FNTB: variants seen among roughly 807,000 people sequenced by gnomAD.
The protein encoded by FNTB is protein farnesyltransferase subunit beta.
FNTB carries 27 observed loss-of-function variants against 59.4 expected under a neutral mutation model. That is an observed-to-expected ratio of 0.45 (90% CI 0.34 to 0.63). The LOEUF (loss-of-function observed/expected upper bound fraction) is 0.63. Among genes scored for constraint, FNTB ranks in the 20% least tolerant of loss-of-function variants. The pLI, the probability that FNTB is intolerant of heterozygous loss-of-function variation, is 0.02. For missense variants in FNTB, 449 were observed against 559.6 expected (o/e 0.80, Z 1.99); for synonymous variants, 230 against 220.7 (o/e 1.04, Z -0.37).
intron 11 of FNTB, among the ~76,000 whole-genome samples, chr14:65,056,674 G>T (rs28648456): frequency 6.6e-6 from 1 of 151,872 alleles, no homozygotes; most frequent in Non-Finnish European, 1.5e-5. Flanking sequence ...CTTACTGATG[G>T]GTAACTTCAG....
chr14:65,038,273 G>C (rs2062261049), intron 7 of FNTB, among the ~76,000 whole-genome samples: 1 of 151,776 alleles, frequency 6.6e-6, no homozygotes, highest in Admixed American at 6.6e-5. Flanking sequence ...AGCCGGGTGT[G>C]GTGGTGGGTA....
At chr14:65,045,494 C>A (rs2062458244) in intron 9 of FNTB, among the ~76,000 whole-genome samples, 2 of 148,162 alleles carry the variant, frequency 1.3e-5, no homozygotes, top group Non-Finnish European at 3.0e-5. Context: ...TGGCTCACTG[C>A]AGCCTCCACC....
intron 7 of FNTB, among the ~76,000 whole-genome samples, chr14:65,037,290 G>A (rs1411851641): frequency 6.7e-6 from 1 of 149,934 alleles, no homozygotes; most frequent in African/African-American, 2.5e-5. Context: ...TTTTAGTAGA[G>A]ATGGGGTTTT....
rs989248774 is a variant in FNTB, at chr14:64,994,016, C to T, written c.144+6919C>T. Among the ~76,000 whole-genome samples, 4 of 151,878 alleles carry T rather than the reference C, an allele frequency of 2.6e-5. No individual in the cohort carries two copies. Among genetic ancestry groups the T allele is most frequent in the East Asian group, 3.9e-4 (2 of 5,182 alleles). On this transcript the variant is annotated intron_variant, in intron 1 of 11. Coordinates refer to ENST00000246166, the MANE Select transcript of FNTB (RefSeq NM_002028.4). This position sits in a 1 kb window ranked among gnomAD's most constrained non-coding sequence, Gnocchi z 4.2. ...GATTACAGGCATGTGCTACCACACC[C>T]GGCTAATTTTTGTATTTTAGTAGAG... is the stretch of plus-strand genomic sequence containing the variant.
Position 65,054,734 on chromosome 14 carries a change from C to A in FNTB, c.1182+45C>A. ...TCACACCCCTTCTCCACAGGGACCT[C>A]GCGGACAGAAGGCTTTCCAAGTAAG... On this transcript the variant is annotated intron_variant, in intron 11 of 11. Coordinates refer to ENST00000246166, the MANE Select transcript of FNTB (RefSeq NM_002028.4). The surrounding 1 kb of genome is among the most constrained non-coding windows in gnomAD (Gnocchi z 4.4). 2 of 1,556,804 alleles carry A rather than the reference C, an allele frequency of 1.3e-6. No homozygotes were observed. Among genetic ancestry groups the A allele is most frequent in the South Asian group, 1.2e-5 (1 of 85,374 alleles).
chr14:65,049,267 G>A (rs1440764315), intron 9 of FNTB, among the ~76,000 whole-genome samples: 1 of 152,120 alleles, frequency 6.6e-6, no homozygotes, highest in Non-Finnish European at 1.5e-5. Context: ...TTTCTTATAT[G>A]TTCTTTTGGA....
chr14:65,052,554 C>T (rs1307448570), intron 9 of FNTB, among the ~76,000 whole-genome samples: 1 of 152,176 alleles, frequency 6.6e-6, no homozygotes, highest in Non-Finnish European at 1.5e-5. Context: ...AACTGTGTGG[C>T]CCACAGAATT....
intron 1 of FNTB, among the ~76,000 whole-genome samples, chr14:64,992,509 A>G (rs145413395): frequency 1.1e-4 from 16 of 152,342 alleles, no homozygotes; most frequent in East Asian, 7.7e-4. Flanking sequence ...GAGTCAGCCA[A>G]TGTGGATTTC....
chr14:65,042,347 T>C (rs2062372237), intron 8 of FNTB, among the ~76,000 whole-genome samples: 1 of 152,202 alleles, frequency 6.6e-6, no homozygotes, highest in South Asian at 2.1e-4. Context: ...TTCTTTCAAC[T>C]AGACAGTCCC....
In FNTB at chr14:65,030,433, A is replaced by G. The variant is rs1378551946; in HGVS notation, c.606-2177A>G. On this transcript the variant is annotated intron_variant, in intron 6 of 11. Transcript: ENST00000246166. This position sits in a 1 kb window ranked among gnomAD's most constrained non-coding sequence, Gnocchi z 4.5. ...GTAAGTCTGACTTCATGTTATATCT[A>G]TACTGAGTAAGATGGAAACCAGGGC... 6.6e-6 allele frequency among the ~76,000 whole-genome samples: 1 copy of G among 152,170 alleles called. No homozygotes were observed. The highest frequency in any genetic ancestry group is 2.4e-5 in the African/African-American group (1 of 41,434).
At position 65,015,735 on chromosome 14, in the gene FNTB, A is replaced by G; in HGVS notation, c.374+19A>G. The G allele has an allele frequency of 6.2e-7, 1 of 1,609,340 alleles. No homozygotes were observed. Among genetic ancestry groups the G allele is most frequent in the Non-Finnish European group, 8.5e-7 (1 of 1,176,756 alleles). On this transcript the variant is annotated intron_variant, in intron 4 of 11. Transcript: ENST00000246166. ...CTACAGAGTGAGTCTGTCTTTGGGA[A>G]ATCTGGGGTGTTCTCTGAAATTGTA...
chr14:64,987,417 C>A, intron 1 of FNTB: 2 of 420,328 alleles, frequency 4.8e-6, no homozygotes, highest in South Asian at 2.5e-5. Context: ...TCGGACAGCC[C>A]ACTCTGTTCT....
At chr14:65,010,078 T>A (rs1416706127) in intron 2 of FNTB, among the ~76,000 whole-genome samples, 1 of 152,120 alleles carries the variant, frequency 6.6e-6, no homozygotes, top group African/African-American at 2.4e-5. Context: ...CTCTTGGAGG[T>A]CTCTAGCCCT....
chr14:65,002,203 G>T (rs563850961), intron 1 of FNTB, among the ~76,000 whole-genome samples: 1 of 152,278 alleles, frequency 6.6e-6, no homozygotes, highest in East Asian at 1.9e-4. Context: ...GAAGGTGAAC[G>T]CCAATCCTGT....
At chr14:65,058,475 T>A (rs1292028094) in intron 11 of FNTB, among the ~76,000 whole-genome samples, 1 of 152,224 alleles carries the variant, frequency 6.6e-6, no homozygotes, top group Non-Finnish European at 1.5e-5. Context: ...CTTGTATTGT[T>A]GGGTAAGATC....
chr14:64,989,981 C>A (rs531956626), intron 1 of FNTB, among the ~76,000 whole-genome samples: 34 of 152,152 alleles, frequency 2.2e-4, no homozygotes, highest in African/African-American at 8.2e-4. Flanking sequence ...GGGGAACCCT[C>A]TGGTGACAAC....
intron 1 of FNTB, among the ~76,000 whole-genome samples, chr14:65,000,009 C>G (rs1888539160): frequency 6.6e-6 from 1 of 152,196 alleles, no homozygotes; most frequent in Non-Finnish European, 1.5e-5. Flanking sequence ...TACTTGGCTG[C>G]TTTCCCGCAA....
rs2062105804 is a variant in FNTB, at chr14:65,032,513, G to A, written c.606-97G>A. ...AGAGTGAGGACAGGAGGTGATTACAGCTTACTAGGCAAGGCGAGCAGTCCG... is the reference window on the plus strand; with the variant it reads ...AGAGTGAGGACAGGAGGTGATTACAACTTACTAGGCAAGGCGAGCAGTCCG... On this transcript the variant is annotated intron_variant, in intron 6 of 11. Coordinates refer to ENST00000246166, the MANE Select transcript of FNTB (RefSeq NM_002028.4). The surrounding 1 kb of genome is among the most constrained non-coding windows in gnomAD (Gnocchi z 5.0). 7.4e-7 allele frequency: 1 copy of A among 1,352,226 alleles called. No homozygotes were observed. The highest frequency in any genetic ancestry group is 1.0e-6 in the Non-Finnish European group (1 of 997,232). 83.8% of individuals were successfully genotyped at this position (1,352,226 alleles called of 1,614,324 possible).
At position 65,037,419 on chromosome 14, in the gene FNTB, T is replaced by C. The variant is rs2062223600; in HGVS notation, c.693-3371T>C. On this transcript the variant is annotated intron_variant, in intron 7 of 11. Coordinates refer to ENST00000246166, the MANE Select transcript of FNTB (RefSeq NM_002028.4). ...CGCCGGGCCCTTTTTTTTTTTTTTT[T>C]TTTTTTTTTTTTTTTTTTTTTTTTT... 2.0e-5 allele frequency among the ~76,000 whole-genome samples: 2 copies of C among 101,684 alleles called. 1 individual carries two copies. The highest frequency in any genetic ancestry group is 2.2e-4 in the Admixed American group (2 of 8,958). The allele number at this position is 101,684 out of a possible 152,430, so 66.7% of individuals were successfully genotyped here. A position where few individuals can be genotyped will look rare whatever the true frequency, so the allele number is the denominator to read the frequency against.
Sources: allele counts gnomAD v4.1 joint callset (sites outside exome capture counted in the v4.1 genomes callset), GRCh38; gene constraint gnomAD v4.1.1; non-coding constraint Gnocchi (gnomAD v3.1); transcripts MANE v1.5; gene names NCBI Gene and HGNC (gene_info 2026-07-23, HGNC 2026-07-21).